The following GDPD1 variants were observed in gnomAD, a reference collection of about 807,000 sequenced individuals.
GDPD1 encodes glycerophosphodiester phosphodiesterase domain containing 1.
GDPD1 carries 28 observed loss-of-function variants against 45.1 expected under a neutral mutation model. The ratio of observed to expected loss-of-function variants is 0.62; its 90% CI spans 0.46 to 0.85. The LOEUF (loss-of-function observed/expected upper bound fraction) is 0.85. GDPD1 is among the 40% of genes least tolerant of loss of function. The pLI, the probability that GDPD1 is intolerant of heterozygous loss-of-function variation, is 0.00. For synonymous variants in GDPD1, 139 were observed against 131.4 expected (o/e 1.06, Z -0.40); for missense variants, 256 against 364.8 (o/e 0.70, Z 2.43).
chr17:59,230,618 G>A (rs1568338364), intron 1 of GDPD1, among the ~76,000 whole-genome samples: 1 of 152,000 alleles, frequency 6.6e-6, no homozygotes, highest in African/African-American at 2.4e-5. Flanking sequence ...CCGACCTCAG[G>A]TGATCCGCCT....
chr17:59,249,527 A>G (rs898025482), intron 4 of GDPD1, among the ~76,000 whole-genome samples: 1 of 152,222 alleles, frequency 6.6e-6, no homozygotes, highest in African/African-American at 2.4e-5. Context: ...CATATTTTAA[A>G]TGATTAAACA....
Position 59,275,232 on chromosome 17 carries a change from A to T in GDPD1, c.*1459A>T. ...TAGTTAAAGAGGAAAAATAAAACGGAAAAAAGCTTGGAAATCAGTGATGTG... is the reference window on the plus strand; with the variant it reads ...TAGTTAAAGAGGAAAAATAAAACGGTAAAAAGCTTGGAAATCAGTGATGTG... On this transcript the variant is annotated 3_prime_UTR_variant, in exon 10 of 10. Coordinates refer to ENST00000284116, the MANE Select transcript of GDPD1 (RefSeq NM_182569.4). 6.6e-7 allele frequency: 1 copy of T among 1,520,826 alleles called. No individual in the cohort carries two copies. Among genetic ancestry groups the T allele is most frequent in the Non-Finnish European group, 8.8e-7 (1 of 1,132,366 alleles). The allele number at this position is 1,520,826 out of a possible 1,614,324, so 94.2% of individuals were successfully genotyped here.
At chr17:59,255,743 C>CAAAA (rs1174794003) in intron 4 of GDPD1, among the ~76,000 whole-genome samples, 12 of 26,596 alleles carry the variant, frequency 4.5e-4, no homozygotes, top group East Asian at 2.2e-3. Context: ...AACTCCGTCT[C>CAAAA]AAAAAAAAAA....
At chr17:59,237,207 T>C (rs935256220) in intron 2 of GDPD1, among the ~76,000 whole-genome samples, 4 of 152,188 alleles carry the variant, frequency 2.6e-5, no homozygotes, top group African/African-American at 7.2e-5. Flanking sequence ...AAGACCAGCC[T>C]GGGCAGCAGG....
chr17:59,239,763 T>C (rs1195675906), intron 2 of GDPD1, among the ~76,000 whole-genome samples: 1 of 46,946 alleles, frequency 2.1e-5, no homozygotes, highest in Non-Finnish European at 3.7e-5. Flanking sequence ...ATATGTATAG[T>C]TTTTTTTTTT....
intron 6 of GDPD1, chr17:59,260,616 ATCATC>A (rs1295920543): frequency 6.6e-5 from 10 of 152,328 alleles, no homozygotes; most frequent in African/African-American, 2.2e-4. Flanking sequence ...GTTTACATAC[ATCATC>A]AGGTAAGAGA....
chr17:59,243,825 A>G, intron 2 of GDPD1, among the ~76,000 whole-genome samples: 2 of 152,340 alleles, frequency 1.3e-5, no homozygotes, highest in Admixed American at 1.3e-4. Context: ...TAAAATATTA[A>G]TAGATGTTGA....
At chr17:59,248,921 AT>A in intron 4 of GDPD1, 136 bp downstream of exon 4, 1 of 597,786 alleles carries the variant, frequency 1.7e-6, no homozygotes, top group South Asian at 2.5e-5. Context: ...ATACTTGAAA[AT>A]TATCTGACGT....
chr17:59,233,956 G>A (rs775228240), intron 1 of GDPD1, among the ~76,000 whole-genome samples: 19 of 152,098 alleles, frequency 1.2e-4, no homozygotes, highest in Admixed American at 2.6e-4. Flanking sequence ...GTTTAGGCTT[G>A]GGTTCTATCC....
At chr17:59,230,459 T>C (rs2147875860) in intron 1 of GDPD1, among the ~76,000 whole-genome samples, 1 of 142,510 alleles carries the variant, frequency 7.0e-6, no homozygotes, top group South Asian at 2.3e-4. Context: ...CTTGGCTCAC[T>C]GCAACCTCCG....
At position 59,225,721 on chromosome 17, in the gene GDPD1, T is replaced by C. The variant is rs139328763; in HGVS notation, c.142+4970T>C. ...ATTAAAATTGATTCAAAATTTATTT[T>C]ATTTTATTATTATTTTTTGAGACGA... On this transcript the variant is annotated intron_variant, in intron 1 of 9. Coordinates refer to ENST00000284116, the MANE Select transcript of GDPD1 (RefSeq NM_182569.4). Among the ~76,000 whole-genome samples, 165 of 152,248 alleles carry C rather than the reference T, an allele frequency of 1.1e-3. 1 individual carries two copies. The highest frequency in any genetic ancestry group is 3.8e-3 in the African/African-American group (157 of 41,552).
At position 59,275,127 on chromosome 17, in the gene GDPD1, C is replaced by G. The variant is rs1165801982; in HGVS notation, c.*1354C>G. On this transcript the variant is annotated 3_prime_UTR_variant, in exon 10 of 10. Coordinates refer to ENST00000284116, the MANE Select transcript of GDPD1 (RefSeq NM_182569.4). Reference sequence around the variant, plus strand: ...AAAGTGCTGGGATTACAGGTTTGAACCACTGCACCCGGCCAGTAAAAGAAA... The same window carrying G: ...AAAGTGCTGGGATTACAGGTTTGAAGCACTGCACCCGGCCAGTAAAAGAAA... 3 of 1,533,118 alleles carry G rather than the reference C, an allele frequency of 2.0e-6. No individual in the cohort carries two copies. In the South Asian group the frequency reaches 3.6e-5, roughly 18 times the overall value. 95.0% of individuals were successfully genotyped at this position (1,533,118 alleles called of 1,614,324 possible).
chr17:59,271,464 C>T (rs1234725070), intron 8 of GDPD1, among the ~76,000 whole-genome samples: 3 of 152,008 alleles, frequency 2.0e-5, no homozygotes, highest in Non-Finnish European at 4.4e-5. Flanking sequence ...AAGTAAATGC[C>T]TTAATTTAGA....
chr17:59,260,739 C>T (rs1300414100), intron 6 of GDPD1: 1 of 152,048 alleles, frequency 6.6e-6, no homozygotes, highest in Non-Finnish European at 1.5e-5. Context: ...ATACAAAGAA[C>T]TCTTTGGTGG....
chr17:59,232,835 A>G (rs2047101407), intron 1 of GDPD1, among the ~76,000 whole-genome samples: 1 of 152,144 alleles, frequency 6.6e-6, no homozygotes, highest in South Asian at 2.1e-4. Flanking sequence ...CCTCACTCCT[A>G]GAGAACCCAC....
intron 1 of GDPD1, among the ~76,000 whole-genome samples, chr17:59,221,474 A>AATAG (rs2047004750): frequency 2.0e-5 from 3 of 151,150 alleles, no homozygotes; most frequent in Admixed American, 2.0e-4. Context: ...TAAATAAATA[A>AATAG]ATAAACACGC....
intron 7 of GDPD1, among the ~76,000 whole-genome samples, chr17:59,268,302 C>A (rs547684280): frequency 5.9e-5 from 9 of 151,870 alleles, no homozygotes; most frequent in Non-Finnish European, 1.2e-4. Context: ...CATGGCCGGG[C>A]GCGGTGGCTC....
intron 6 of GDPD1, chr17:59,260,716 T>A (rs999072352): frequency 3.3e-5 from 5 of 152,256 alleles, no homozygotes; most frequent in Middle Eastern, 3.4e-3. Flanking sequence ...ATGATGTAAG[T>A]AGCAATTTTC....
chr17:59,259,204 C>T (rs541436767), intron 6 of GDPD1, among the ~76,000 whole-genome samples: 108 of 151,116 alleles, frequency 7.1e-4, no homozygotes, highest in African/African-American at 2.5e-3. Context: ...CCGAGGCAGG[C>T]GGATCACCTG....
Sources: allele counts gnomAD v4.1 joint callset (sites outside exome capture counted in the v4.1 genomes callset), GRCh38; gene constraint gnomAD v4.1.1; transcripts MANE v1.5; gene names NCBI Gene and HGNC (gene_info 2026-07-23, HGNC 2026-07-21).